The following ANKRD30A variants were observed in gnomAD, a reference collection of about 807,000 sequenced individuals.
The protein encoded by ANKRD30A is ankyrin repeat domain 30A.
Under a neutral mutation model 166.3 loss-of-function variants are expected in ANKRD30A, and 170 were observed. The observed-to-expected ratio is 1.02, with a 90% confidence interval of 0.90 to 1.16. The LOEUF is 1.16. Ranked by LOEUF, ANKRD30A falls within the 50% of genes most tolerant of loss-of-function variation. The pLI is 0.00. For missense variants in ANKRD30A, 1,630 were observed against 1,518.0 expected, an observed-to-expected ratio of 1.07 and a Z score of -1.23; for synonymous variants, 564 against 508.9, an observed-to-expected ratio of 1.11 and a Z score of -1.46.
rs191345198 is a variant in ANKRD30A at position 37,222,429 on chromosome 10, C to T, written c.4185+2532C>T. 4.6e-5 allele frequency among the ~76,000 whole-genome samples: 7 copies of T among 151,348 alleles called. No individual in the cohort carries two copies. The East Asian group carries it at 1.4e-3, about 29-fold the overall frequency. ...TTTAAGTTTCATCTATTTTGTAGTA[C>T]ATATCAGTACTTCATTTCTATTTAT... On this transcript the variant is annotated intron_variant, in intron 34 of 35. Coordinates refer to ENST00000361713, the MANE Select transcript of ANKRD30A (RefSeq NM_052997.3).
intron 12 of ANKRD30A, among the ~76,000 whole-genome samples, chr10:37,153,077 C>A (rs953872118): frequency 6.6e-6 from 1 of 152,102 alleles, no homozygotes; most frequent in African/African-American, 2.4e-5. Flanking sequence ...TTTTCATATT[C>A]TGTGCATACA....
intron 17 of ANKRD30A, among the ~76,000 whole-genome samples, chr10:37,164,629 A>T (rs1839162400): frequency 6.6e-6 from 1 of 152,152 alleles, no homozygotes; most frequent in East Asian, 1.9e-4. Flanking sequence ...GACATCAAAA[A>T]GTTAATATTC....
At chr10:37,235,379 T>G (rs1439953134), downstream of ANKRD30A, among the ~76,000 whole-genome samples, 2 of 152,224 alleles carry the variant, frequency 1.3e-5, no homozygotes, top group Non-Finnish European at 2.9e-5. Context: ...CAAGTATAAT[T>G]GCCTTCAGAC....
chr10:37,236,062 C>A (rs973122263), downstream of ANKRD30A, among the ~76,000 whole-genome samples: 1 of 152,098 alleles, frequency 6.6e-6, no homozygotes, highest in Non-Finnish European at 1.5e-5. Context: ...GCCACCGCGC[C>A]GGGCCTGATT....
At chr10:37,177,650 CTATTACTTT>C in intron 24 of ANKRD30A, 1 of 687,746 alleles carries the variant, frequency 1.5e-6, no homozygotes, top group South Asian at 1.9e-5. Flanking sequence ...TTATTTATTG[CTATTACTTT>C]TAACAGAGTC....
chr10:37,171,699 T>C (rs1426404243), intron 21 of ANKRD30A, among the ~76,000 whole-genome samples: 1 of 151,188 alleles, frequency 6.6e-6, no homozygotes, highest in Non-Finnish European at 1.5e-5. Flanking sequence ...TTTTTCTCTT[T>C]TTCTTTTTTA....
At chr10:37,248,105 G>A in the ANKRD30A span, 1 of 571,718 alleles carries the variant, frequency 1.7e-6, no homozygotes, top group Non-Finnish European at 3.4e-6. Flanking sequence ...ATGGCTTATT[G>A]TTCTCCCTGC....
chr10:37,197,613 A>G lies in ANKRD30A; in HGVS notation c.2716+133A>G. The G allele has an allele frequency of 2.9e-6, 4 of 1,377,736 alleles. No individual in the cohort carries two copies. In the Admixed American group the frequency reaches 9.9e-5, roughly 34 times the overall value. 85.3% of individuals were successfully genotyped at this position (1,377,736 alleles called of 1,614,324 possible). Reference sequence around the variant, plus strand: ...TGATCTAGGTAATGCCAATACTGGTATTGATGTTTGAAAAGCTGGTATTAC... The same window carrying G: ...TGATCTAGGTAATGCCAATACTGGTGTTGATGTTTGAAAAGCTGGTATTAC... On this transcript the variant is annotated intron_variant, in intron 29 of 35. Transcript: ENST00000361713.
the ANKRD30A span, among the ~76,000 whole-genome samples, chr10:37,253,387 A>G: frequency 2.0e-5 from 3 of 152,214 alleles, no homozygotes; most frequent in Non-Finnish European, 2.9e-5. Flanking sequence ...GTACAATTGT[A>G]TAGTTTTTTA....
intron 34 of ANKRD30A, among the ~76,000 whole-genome samples, chr10:37,225,040 G>T (rs1243672882): frequency 6.6e-6 from 1 of 151,030 alleles, no homozygotes; most frequent in African/African-American, 2.4e-5. Context: ...TTAATAATAC[G>T]CTAGTGTTTT....
chr10:37,130,198 C>T lies in ANKRD30A; in HGVS notation c.337-7C>T, dbSNP rs779748317. On this transcript the variant is annotated splice_region_variant and splice_polypyrimidine_tract_variant and intron_variant, in intron 2 of 35. Coordinates refer to ENST00000361713, the MANE Select transcript of ANKRD30A (RefSeq NM_052997.3). The stretch of plus-strand genomic sequence containing the variant: ...GTTTACAATAATTCTTGCTTTAATA[C>T]TGACAGGCTCTACAATGCCATCAGG... 3 of 1,564,866 alleles carry T rather than the reference C, an allele frequency of 1.9e-6. No homozygotes were observed. The highest frequency in any genetic ancestry group is 2.6e-6 in the Non-Finnish European group (3 of 1,158,662).
rs762494890 is a variant in ANKRD30A, at chr10:37,197,417, G to A, written c.2653G>A (p.Glu885Lys). The A allele has an allele frequency of 3.5e-5, 57 of 1,612,496 alleles. No individual in the cohort carries two copies. In the East Asian group the frequency reaches 1.1e-3, roughly 32 times the overall value. Residue 885 changes from glutamate (E) to lysine (K), a missense_variant, in exon 29 of 36, where the codon GAA (glutamate) becomes AAA (lysine). Transcript: ENST00000361713. ...EKPSAFEPAI[E>K]MQKSVPNKAL... ...TTCCAACCCCATTTAGCCTGCCATT[G>A]AAATGCAAAAGTCTGTTCCAAATAA...
intron 24 of ANKRD30A, among the ~76,000 whole-genome samples, chr10:37,179,217 C>A (rs1840009121): frequency 1.3e-5 from 2 of 150,792 alleles, no homozygotes; most frequent in African/African-American, 2.4e-5. Flanking sequence ...CTACACGAAA[C>A]CAGACTAATT....
At chr10:37,128,471 T>TA (rs1418994840) in intron 1 of ANKRD30A, among the ~76,000 whole-genome samples, 1 of 151,940 alleles carries the variant, frequency 6.6e-6, no homozygotes, top group Non-Finnish European at 1.5e-5. Context: ...TACATTTTAT[T>TA]AGACACATAT....
chr10:37,243,032 G>C, the ANKRD30A span, among the ~76,000 whole-genome samples: 1 of 151,754 alleles, frequency 6.6e-6, no homozygotes, highest in Non-Finnish European at 1.5e-5. Context: ...TTTCATGGTA[G>C]CAATGATAAA....
chr10:37,227,372 C>A (rs1334891347), intron 34 of ANKRD30A, among the ~76,000 whole-genome samples: 1 of 151,856 alleles, frequency 6.6e-6, no homozygotes, highest in African/African-American at 2.4e-5. Context: ...GTCCCAGAAC[C>A]ATTGGTTGAA....
the ANKRD30A span, chr10:37,264,621 C>CA: frequency 3.1e-6 from 1 of 326,122 alleles, no homozygotes; most frequent in Non-Finnish European, 5.8e-6. Flanking sequence ...CTCATTGCCC[C>CA]AAATATGAGA....
intron 19 of ANKRD30A, among the ~76,000 whole-genome samples, chr10:37,167,005 G>A (rs1243550771): frequency 6.6e-6 from 1 of 152,052 alleles, no homozygotes; most frequent in Admixed American, 6.6e-5. Flanking sequence ...CATACAGAGA[G>A]TACATGAAGG....
the ANKRD30A span, chr10:37,248,148 G>T: frequency 1.6e-6 from 1 of 626,076 alleles, no homozygotes; most frequent in East Asian, 4.0e-5. Flanking sequence ...TTTCACTCTG[G>T]GAGTCTTCCA....
Sources: allele counts gnomAD v4.1 joint callset (sites outside exome capture counted in the v4.1 genomes callset), GRCh38; gene constraint gnomAD v4.1.1; transcripts MANE v1.5; gene names NCBI Gene and HGNC (gene_info 2026-07-23, HGNC 2026-07-21).